SLU7: variants seen among roughly 807,000 people sequenced by gnomAD.
SLU7 encodes the protein pre-mRNA-splicing factor SLU7.
A neutral mutation model predicts 87.0 loss-of-function variants in SLU7; 60 were observed. That is an observed-to-expected ratio of 0.69 (90% CI 0.56 to 0.86). The LOEUF is 0.86. Among genes scored for constraint, SLU7 ranks in the 40% least tolerant of loss-of-function variants. The probability of loss-of-function intolerance (pLI) is 0.00; values close to 1 mark genes in which losing one functional copy is unlikely to be tolerated. For synonymous variants in SLU7, 197 were observed against 222.0 expected (o/e 0.89, Z 1.00); for missense variants, 507 against 686.6 (o/e 0.74, Z 2.92).
chr5:160,403,459 C>A lies in SLU7; in HGVS notation c.1587G>T (p.Leu529=). ...EKKHEKLKKA[L]NAEEARLLHV... is the part of the protein sequence containing the mutation. Reference sequence around the variant, plus strand: ...GAAGAAGGCGGGCCTCCTCTGCGTTCAGTGCCTATAGTGAGAGGAATAAAA... The same window carrying A: ...GAAGAAGGCGGGCCTCCTCTGCGTTAAGTGCCTATAGTGAGAGGAATAAAA... Residue 529 remains leucine, a synonymous_variant, in exon 16 of 16, where the codon CTG becomes CTT. Coordinates refer to ENST00000297151, the MANE Select transcript of SLU7 (RefSeq NM_006425.5). 1.2e-6 allele frequency: 2 copies of A among 1,605,712 alleles called. No individual in the cohort carries two copies. Among genetic ancestry groups the A allele is most frequent in the South Asian group, 1.1e-5 (1 of 89,548 alleles).
intron 11 of SLU7, among the ~76,000 whole-genome samples, chr5:160,406,882 C>T (rs1280674632): frequency 6.6e-6 from 1 of 152,208 alleles, no homozygotes; most frequent in African/African-American, 2.4e-5. Context: ...TATACATGCC[C>T]TTTTGCCACA....
intron 6 of SLU7, among the ~76,000 whole-genome samples, chr5:160,411,853 A>T (rs1299537803): frequency 6.6e-6 from 1 of 152,202 alleles, no homozygotes; most frequent in Non-Finnish European, 1.5e-5. Flanking sequence ...TATATAACTA[A>T]TACATATTCA....
chr5:160,413,178 T>C (rs192994127), intron 5 of SLU7, among the ~76,000 whole-genome samples: 6 of 152,316 alleles, frequency 3.9e-5, no homozygotes, highest in African/African-American at 1.4e-4. Context: ...CTTTGGACAC[T>C]AATCTGTCTT....
intron 2 of SLU7, 149 bp downstream of exon 2, chr5:160,414,976 A>C: frequency 1.6e-6 from 1 of 611,794 alleles, no homozygotes; most frequent in Non-Finnish European, 2.7e-6. Context: ...TTTCATTATT[A>C]AACCATATGC....
At chr5:160,414,257 T>C in intron 3 of SLU7, 62 bp downstream of exon 3, 2 of 1,338,064 alleles carry the variant, frequency 1.5e-6, no homozygotes, top group South Asian at 3.2e-5. Flanking sequence ...GCATTAAAAA[T>C]TCTTACATTA....
chr5:160,412,478 T>G lies in SLU7; in HGVS notation c.612A>C (p.Leu204Phe). The G allele has an allele frequency of 1.9e-6, 3 of 1,557,350 alleles. No individual in the cohort carries two copies. Among genetic ancestry groups the G allele is most frequent in the Non-Finnish European group, 2.6e-6 (3 of 1,147,216 alleles). The stretch of plus-strand genomic sequence containing the variant: ...CCTGTTCCACTAATTTTCCTGAGGC[T>G]AATTCCTCTTGGAGTTTCTGGGCTT... ...TLKAQKLQEE[L>F]ASGKLVEQAN... Residue 204 changes from leucine to phenylalanine, a missense_variant, in exon 6 of 16, where the codon TTA (leucine) becomes TTC (phenylalanine). Transcript: ENST00000297151.
In SLU7 at chr5:160,405,139, CAG is replaced by C; in HGVS notation, c.1288-6_1288-5del. Reference sequence around the variant, plus strand: ...TCCAGTACGATCCCCAGATATGCTGCAGAGAGAGAAATTAAAAAGCTTAAAAA... The same window carrying C: ...TCCAGTACGATCCCCAGATATGCTGCAGAGAGAAATTAAAAAGCTTAAAAA... On this transcript the variant is annotated splice_polypyrimidine_tract_variant and splice_region_variant and intron_variant, in intron 12 of 15. Coordinates refer to ENST00000297151, the MANE Select transcript of SLU7 (RefSeq NM_006425.5). 1.3e-6 allele frequency: 2 copies of C among 1,597,304 alleles called. No homozygotes were observed. The highest frequency in any genetic ancestry group is 1.7e-6 in the Non-Finnish European group (2 of 1,165,954).
rs1403999968 is a variant in SLU7 at position 160,415,171 on chromosome 5, G to A, written c.124C>T (p.Gln42Ter). The change falls in exon 2 of 16, where the codon CAG becomes TAG. Residue 42 changes from glutamine to a stop codon, truncating the protein, a stop_gained. Coordinates refer to ENST00000297151, the MANE Select transcript of SLU7 (RefSeq NM_006425.5). LOFTEE classifies it high-confidence loss of function. ...DWRKKKELEE[Q>*]RKLGNAPAEV... ...GCAGGAGCATTGCCCAATTTTCGCT[G>A]TTCTTCTAGCTCCTTCTTCTTTCTC... is the stretch of plus-strand genomic sequence containing the variant. The A allele has an allele frequency of 2.5e-6, 4 of 1,610,694 alleles. No individual in the cohort carries two copies. Among genetic ancestry groups the A allele is most frequent in the Non-Finnish European group, 3.4e-6 (4 of 1,178,718 alleles).
chr5:160,414,557 A>C, intron 2 of SLU7, 85 bp from the exon 3 acceptor site: 1 of 867,534 alleles, frequency 1.2e-6, no homozygotes, highest in East Asian at 2.9e-5. Context: ...GCTTATACAA[A>C]ATCTAAGAAC....
chr5:160,408,303 A>T, intron 8 of SLU7, 26 bp downstream of exon 8: 1 of 1,593,990 alleles, frequency 6.3e-7, no homozygotes, highest in Admixed American at 1.7e-5. Flanking sequence ...TTTTTCAAAT[A>T]TGTATGTTAA....
At chr5:160,404,767 C>T (rs754410141) in intron 14 of SLU7, 42 bp downstream of exon 14, 1 of 1,390,902 alleles carries the variant, frequency 7.2e-7, no homozygotes, top group Admixed American at 1.7e-5. Context: ...AAAGCCCTCC[C>T]TCCAGGACTT....
At chr5:160,413,705 T>A in intron 4 of SLU7, 85 bp from the exon 5 acceptor site, 1 of 1,223,484 alleles carries the variant, frequency 8.2e-7, no homozygotes, top group Non-Finnish European at 1.1e-6. Flanking sequence ...AGTGGGCACT[T>A]TACGATCTAT....
chr5:160,404,658 G>C, intron 14 of SLU7, 102 bp from the exon 15 acceptor site: 1 of 895,766 alleles, frequency 1.1e-6, no homozygotes, highest in Non-Finnish European at 1.8e-6. Context: ...CCCAGGAGGC[G>C]GAAGTTGCAG....
At chr5:160,414,997 GATAAA>G in intron 2 of SLU7, 123 bp downstream of exon 2, 2 of 749,432 alleles carry the variant, frequency 2.7e-6, no homozygotes, top group Non-Finnish European at 4.2e-6. Context: ...ATATGAGTTT[GATAAA>G]ATAAAAAACA....
chr5:160,408,650 C>T lies in SLU7; in HGVS notation c.687G>A (p.Met229Ile), dbSNP rs764737323. ...CTCAGAGACAGCAAATATGTATTAC[C>T]ATCTGAGAATTTGGTTCCTCTTCTC... is the stretch of plus-strand genomic sequence containing the variant. ...QWGEEEPNSQ[M>I]EKDHNSEDED... Residue 229 changes from methionine to isoleucine, a missense_variant and splice_region_variant, in exon 7 of 16, where the codon ATG (methionine) becomes ATA (isoleucine). Around this residue, in one of 6 missense-constraint regions of SLU7, gnomAD observed 155 missense variants for 154.4 expected, o/e 1.00. Transcript: ENST00000297151. 8 of 1,556,954 alleles carry T rather than the reference C, an allele frequency of 5.1e-6. No homozygotes were observed. The highest frequency in any genetic ancestry group is 2.3e-5 in the East Asian group (1 of 44,268).
chr5:160,413,651 TA>T (rs1335523256), intron 4 of SLU7, 31 bp from the exon 5 acceptor site: 1 of 1,581,036 alleles, frequency 6.3e-7, no homozygotes, highest in Admixed American at 1.8e-5. Flanking sequence ...AATCTTTTCC[TA>T]AGTTTTTATG....
In SLU7 at chr5:160,413,993, T is replaced by G; in HGVS notation, c.325-14A>C. On this transcript the variant is annotated splice_polypyrimidine_tract_variant and intron_variant, in intron 3 of 15. Transcript: ENST00000297151. Reference sequence around the variant, plus strand: ...AATTATGGAATTCTATAAATATATATAAAGAAAAACAAAAATGTCTTAACC... The same window carrying G: ...AATTATGGAATTCTATAAATATATAGAAAGAAAAACAAAAATGTCTTAACC... 2 of 1,475,718 alleles carry G rather than the reference T, an allele frequency of 1.4e-6. No homozygotes were observed. The allele number at this position is 1,475,718 out of a possible 1,614,324, so 91.4% of individuals were successfully genotyped here.
chr5:160,407,391 T>G lies in SLU7; in HGVS notation c.1125+85A>C. 1 of 1,224,806 alleles carries G rather than the reference T, an allele frequency of 8.2e-7. No homozygotes were observed. The highest frequency in any genetic ancestry group is 1.1e-6 in the Non-Finnish European group (1 of 879,474). The allele number at this position is 1,224,806 out of a possible 1,614,324, so 75.9% of individuals were successfully genotyped here. ...TGGATTAAGAGGGCTCTCTTTGCAT[T>G]ATTTTCCAAATGTAAAACTAACGCT... On this transcript the variant is annotated intron_variant, in intron 11 of 15. Transcript: ENST00000297151. The surrounding 1 kb of genome is among the most constrained non-coding windows in gnomAD (Gnocchi z 4.2).
rs778714502 is a variant in SLU7 at position 160,415,263 on chromosome 5, G to A, written c.32C>T (p.Ala11Val). MSATVVDAVNAAPLSGSKEMS... is the reference protein window; with the variant it reads MSATVVDAVNVAPLSGSKEMS... ...TTCTTTGGACCCCGATAGGGGTGCA[G>A]CATTAACTGCATCTACAACTGTGGC... The change falls in exon 2 of 16, where the codon GCT (alanine) becomes GTT (valine). Residue 11 changes from alanine (A) to valine (V), a missense_variant. This residue lies in a region of SLU7 where 33 missense variants were observed against 37.3 expected (regional missense o/e 0.88). Coordinates refer to ENST00000297151, the MANE Select transcript of SLU7 (RefSeq NM_006425.5). 3 of 1,603,588 alleles carry A rather than the reference G, an allele frequency of 1.9e-6. No individual in the cohort carries two copies. Among genetic ancestry groups the A allele is most frequent in the East Asian group, 4.5e-5 (2 of 44,384 alleles).
Sources: gnomAD v4.1 joint callset for allele counts (sites outside exome capture counted in the v4.1 genomes callset) on GRCh38, gnomAD v4.1.1 for gene constraint, gnomAD v4.1.1 regional missense constraint, Gnocchi (gnomAD v3.1) non-coding constraint, MANE v1.5 for transcripts, NCBI Gene and HGNC (gene_info 2026-07-23, HGNC 2026-07-21) for gene names.